The following VIL1 variants were observed in gnomAD, a reference collection of about 807,000 sequenced individuals.
The protein encoded by VIL1 is villin-1.
In VIL1, 86 loss-of-function variants were observed where a neutral mutation model predicts 104.0. That is an observed-to-expected ratio of 0.83 (90% CI 0.69 to 0.99). VIL1 has a LOEUF of 0.99. VIL1 is among the 50% of genes least tolerant of loss of function. VIL1 has a pLI of 0.00. For missense variants in VIL1, 944 were observed against 1,054.1 expected, an observed-to-expected ratio of 0.90 and a Z score of 1.45; for synonymous variants, 394 against 412.6, an observed-to-expected ratio of 0.95 and a Z score of 0.55.
chr2:218,444,728 G>A (rs1689338321), intron 19 of VIL1, among the ~76,000 whole-genome samples: 1 of 152,174 alleles, frequency 6.6e-6, no homozygotes, highest in African/African-American at 2.4e-5. Flanking sequence ...TGGGGTGGTG[G>A]GTCTGGCTGC....
intron 18 of VIL1, 107 bp from the exon 19 acceptor site, chr2:218,440,615 T>C (rs1242867117): frequency 1.1e-5 from 15 of 1,393,780 alleles, no homozygotes; most frequent in Admixed American, 1.9e-5. Context: ...GGGTGGGACA[T>C]GGGAGGCTTC....
intron 15 of VIL1, among the ~76,000 whole-genome samples, chr2:218,435,965 C>T (rs1689182512): frequency 6.6e-6 from 1 of 152,160 alleles, no homozygotes. Context: ...CAGCCTCCTG[C>T]GTAGCTGAGA....
intron 19 of VIL1, 127 bp downstream of exon 19, chr2:218,440,989 T>G: frequency 9.2e-7 from 1 of 1,091,710 alleles, no homozygotes; most frequent in Non-Finnish European, 1.3e-6. Context: ...CCTGCCTTCA[T>G]GCCACCTTAT....
At position 218,451,298 on chromosome 2, in the gene VIL1, A is replaced by G. The variant is rs958968354; in HGVS notation, c.*1962A>G. ...GTGTTAGGTTGTTGATTTTTCTAAA[A>G]ATCTCCTATATATACAAAATCCATA... On this transcript the variant is annotated 3_prime_UTR_variant, in exon 20 of 20. Coordinates refer to ENST00000248444, the MANE Select transcript of VIL1 (RefSeq NM_007127.3). 2 of 152,218 alleles carry G rather than the reference A, an allele frequency of 1.3e-5. No individual in the cohort carries two copies. Among genetic ancestry groups the G allele is most frequent in the Middle Eastern group, 3.4e-3 (1 of 292 alleles). The allele number at this position is 152,218 out of a possible 1,614,324, so 9.4% of individuals were successfully genotyped here. A position where few individuals can be genotyped will look rare whatever the true frequency, so the allele number is the denominator to read the frequency against.
Position 218,429,185 on chromosome 2 carries a change from C to T in VIL1, c.568-100C>T, listed in dbSNP as rs1344543342. 11 of 1,361,614 alleles carry T rather than the reference C, an allele frequency of 8.1e-6. No homozygotes were observed. In the Admixed American group the frequency reaches 8.3e-5, roughly 10 times the overall value. 84.3% of individuals were successfully genotyped at this position (1,361,614 alleles called of 1,614,324 possible). On this transcript the variant is annotated intron_variant, in intron 6 of 19. Coordinates refer to ENST00000248444, the MANE Select transcript of VIL1 (RefSeq NM_007127.3). The stretch of plus-strand genomic sequence containing the variant: ...AGGGCAGGGGTCTCAACCCCTGTGG[C>T]TGCTGTAGGTGGTCTGGGCTTGCCT...
At chr2:218,430,637 C>G in intron 9 of VIL1, 88 bp from the exon 10 acceptor site, 1 of 1,476,338 alleles carries the variant, frequency 6.8e-7, no homozygotes, top group Non-Finnish European at 9.1e-7. Context: ...GATGGTGGAT[C>G]TGGTTAGGTT....
At chr2:218,443,540 C>T (rs1015378002) in intron 19 of VIL1, among the ~76,000 whole-genome samples, 9 of 151,980 alleles carry the variant, frequency 5.9e-5, no homozygotes, top group Admixed American at 2.0e-4. Context: ...GTTATTGAAC[C>T]AGAGGATTGA....
At chr2:218,446,271 G>A (rs1440211077) in intron 19 of VIL1, among the ~76,000 whole-genome samples, 1 of 152,126 alleles carries the variant, frequency 6.6e-6, no homozygotes, top group Non-Finnish European at 1.5e-5. Context: ...GTCTCACTCT[G>A]TTGCCCAAGC....
intron 19 of VIL1, among the ~76,000 whole-genome samples, chr2:218,446,489 C>T: frequency 6.6e-6 from 1 of 152,110 alleles, no homozygotes; most frequent in East Asian, 1.9e-4. Flanking sequence ...CCTGCCTTGG[C>T]CTCCCAAAGT....
intron 4 of VIL1, among the ~76,000 whole-genome samples, chr2:218,426,604 G>A (rs1210540715): frequency 6.6e-6 from 1 of 150,598 alleles, no homozygotes; most frequent in African/African-American, 2.4e-5. Flanking sequence ...ACCATGCCCA[G>A]CTAATTTTTT....
At chr2:218,419,944 G>A (rs755432518) in intron 1 of VIL1, among the ~76,000 whole-genome samples, 11 of 152,318 alleles carry the variant, frequency 7.2e-5, no homozygotes, top group African/African-American at 2.2e-4. Flanking sequence ...GGGTCTTGGC[G>A]GGTGTCCATT....
chr2:218,429,229 A>C, intron 6 of VIL1, 56 bp from the exon 7 acceptor site: 1 of 1,562,086 alleles, frequency 6.4e-7, no homozygotes, highest in South Asian at 1.2e-5. Context: ...GTAGGGTGGC[A>C]GACACTGCCT....
At chr2:218,423,256 G>A (rs1217418998) in intron 1 of VIL1, among the ~76,000 whole-genome samples, 3 of 152,056 alleles carry the variant, frequency 2.0e-5, no homozygotes, top group African/African-American at 4.8e-5. Flanking sequence ...TTAGCCAGGC[G>A]TGGTGGCTCA....
At chr2:218,424,150 C>G in intron 2 of VIL1, 127 bp from the exon 3 acceptor site, 1 of 810,582 alleles carries the variant, frequency 1.2e-6, no homozygotes, top group Non-Finnish European at 2.0e-6. Flanking sequence ...TCCTCTCTTC[C>G]TTTTCTCTCC....
intron 4 of VIL1, among the ~76,000 whole-genome samples, chr2:218,426,852 T>A (rs1689011454): frequency 6.6e-6 from 1 of 152,152 alleles, no homozygotes; most frequent in Non-Finnish European, 1.5e-5. Context: ...TCTGCCCGCC[T>A]TGGCCTCCCA....
chr2:218,446,850 G>T (rs1386245308), intron 19 of VIL1, among the ~76,000 whole-genome samples: 1 of 141,696 alleles, frequency 7.1e-6, no homozygotes, highest in Non-Finnish European at 1.5e-5. Flanking sequence ...TGCAATCTCC[G>T]CCTCCCAAGT....
intron 3 of VIL1, 147 bp downstream of exon 3, chr2:218,424,498 TG>T (rs1476453222): frequency 6.3e-6 from 5 of 794,170 alleles, no homozygotes; most frequent in Non-Finnish European, 1.0e-5. Context: ...CCCAACCCTG[TG>T]GGGGCTTCAC....
chr2:218,437,602 T>G (rs1216872309), intron 17 of VIL1, among the ~76,000 whole-genome samples: 1 of 152,216 alleles, frequency 6.6e-6, no homozygotes, highest in African/African-American at 2.4e-5. Flanking sequence ...AAATTAAAAT[T>G]AAACACAGTT....
intron 1 of VIL1, among the ~76,000 whole-genome samples, chr2:218,420,390 T>C (rs1483846855): frequency 1.4e-5 from 2 of 138,580 alleles, no homozygotes; most frequent in East Asian, 2.2e-4. Context: ...AATTGCACCA[T>C]TGCACTCCAG....
Sources: gnomAD v4.1 joint callset for allele counts (sites outside exome capture counted in the v4.1 genomes callset) on GRCh38, gnomAD v4.1.1 for gene constraint, MANE v1.5 for transcripts, NCBI Gene and HGNC (gene_info 2026-07-23, HGNC 2026-07-21) for gene names.